The following HUNK variants were observed in gnomAD, a reference collection of about 807,000 sequenced individuals.
The protein encoded by HUNK is hormonally up-regulated Neu-associated kinase, also known as hormonally up-regulated neu tumor-associated kinase.
A neutral mutation model predicts 61.0 loss-of-function variants in HUNK; 21 were observed. The observed-to-expected ratio is 0.34, with a 90% CI of 0.24 to 0.50. The LOEUF (loss-of-function observed/expected upper bound fraction) is 0.50. Ranked by LOEUF, HUNK falls within the 20% of genes least tolerant of loss-of-function variation. The pLI, the probability that HUNK is intolerant of heterozygous loss-of-function variation, is 0.98. For missense variants in HUNK, 772 were observed against 945.7 expected (o/e 0.82, Z 2.41); for synonymous variants, 371 against 386.1 (o/e 0.96, Z 0.46).
At chr21:31,951,003 A>C (rs1205645581) in intron 4 of HUNK, among the ~76,000 whole-genome samples, 1 of 152,066 alleles carries the variant, frequency 6.6e-6, no homozygotes, top group Non-Finnish European at 1.5e-5. Context: ...CTTCCCTACA[A>C]ATAGGGCCCC....
intron 7 of HUNK, among the ~76,000 whole-genome samples, chr21:31,981,964 A>AG (rs1375411611): frequency 3.3e-4 from 50 of 152,014 alleles, no homozygotes; most frequent in Non-Finnish European, 8.8e-5. Context: ...GGTTTGTTAC[A>AG]TAAGTAAACA....
At chr21:31,929,052 G>A (rs1568927629) in intron 2 of HUNK, among the ~76,000 whole-genome samples, 1 of 152,054 alleles carries the variant, frequency 6.6e-6, no homozygotes, top group African/African-American at 2.4e-5. Context: ...GTGTGTGTGT[G>A]TGTTTGTGTG....
At chr21:31,881,131 A>G (rs548410723) in intron 1 of HUNK, among the ~76,000 whole-genome samples, 1 of 152,324 alleles carries the variant, frequency 6.6e-6, no homozygotes, top group East Asian at 1.9e-4. Context: ...TCAGTTCTTC[A>G]GCACTGACGG....
At chr21:31,887,851 CGGGTAGGCA>C (rs1228859265) in intron 1 of HUNK, among the ~76,000 whole-genome samples, 1 of 152,096 alleles carries the variant, frequency 6.6e-6, no homozygotes, top group East Asian at 1.9e-4. Context: ...GAGCAGAACA[CGGGTAGGCA>C]GGTTATGATT....
chr21:31,938,759 GTGTC>G (rs1468160240), intron 2 of HUNK, among the ~76,000 whole-genome samples: 3 of 152,200 alleles, frequency 2.0e-5, no homozygotes, highest in South Asian at 2.1e-4. Flanking sequence ...GTGTTTGTGT[GTGTC>G]TGTGTGTGTG....
chr21:31,934,645 C>T (rs1278236081), intron 2 of HUNK, among the ~76,000 whole-genome samples: 2 of 152,064 alleles, frequency 1.3e-5, no homozygotes, highest in Admixed American at 1.3e-4. Context: ...GTTTTTCAAC[C>T]CTCGTCCTCC....
chr21:31,903,381 C>T (rs1392415873), intron 1 of HUNK, among the ~76,000 whole-genome samples: 2 of 151,760 alleles, frequency 1.3e-5, no homozygotes, highest in East Asian at 1.9e-4. Context: ...CATGGTGCTG[C>T]GTGTGTATAT....
chr21:31,997,225 G>T lies in HUNK; in HGVS notation c.1486+1277G>T, dbSNP rs1286747836. ...CTTTATTTCCCTCATCCCCAAATCTGTAGGGGGTTTCCCCTTTCTTTTCTG... is the reference window on the plus strand; with the variant it reads ...CTTTATTTCCCTCATCCCCAAATCTTTAGGGGGTTTCCCCTTTCTTTTCTG... On this transcript the variant is annotated intron_variant, in intron 10 of 10. Transcript: ENST00000270112. 2.0e-5 allele frequency among the ~76,000 whole-genome samples: 3 copies of T among 152,364 alleles called. No homozygotes were observed. The East Asian group carries it at 5.8e-4, about 29-fold the overall frequency.
chr21:31,903,168 C>T (rs2052480906), intron 1 of HUNK, among the ~76,000 whole-genome samples: 2 of 151,572 alleles, frequency 1.3e-5, no homozygotes, highest in Non-Finnish European at 2.9e-5. Context: ...GAGCATGGGG[C>T]CCAGTGGGAT....
At position 31,904,590 on chromosome 21, in the gene HUNK, T is replaced by C. The variant is rs572905201; in HGVS notation, c.262-19878T>C. 3.3e-5 allele frequency among the ~76,000 whole-genome samples: 5 copies of C among 152,368 alleles called. No individual in the cohort carries two copies. In the South Asian group the frequency reaches 1.0e-3, roughly 32 times the overall value. On this transcript the variant is annotated intron_variant, in intron 1 of 10. Transcript: ENST00000270112. ...TTTGCTTGGAGATGTCTTGGGATTG[T>C]TGGCGTTTCCTTGAGTCATGTTGCT...
intron 2 of HUNK, among the ~76,000 whole-genome samples, chr21:31,928,291 C>T (rs949913583): frequency 1.4e-4 from 22 of 152,124 alleles, no homozygotes; most frequent in African/African-American, 4.1e-4. Flanking sequence ...CTCAGGATCG[C>T]GAGAACAACA....
chr21:31,965,536 A>G (rs1008455981), intron 5 of HUNK, among the ~76,000 whole-genome samples: 1 of 151,842 alleles, frequency 6.6e-6, no homozygotes, highest in Non-Finnish European at 1.5e-5. Flanking sequence ...TACAGTGGTA[A>G]ATGTACCTCA....
At chr21:31,921,849 AT>A (rs549756450) in intron 1 of HUNK, among the ~76,000 whole-genome samples, 2 of 151,854 alleles carry the variant, frequency 1.3e-5, no homozygotes, top group Non-Finnish European at 2.9e-5. Context: ...CTTCAGCTTT[AT>A]TGAGGTTTAA....
At position 31,940,178 on chromosome 21, in the gene HUNK, G is replaced by A; in HGVS notation, c.568G>A (p.Glu190Lys). 1 of 1,593,342 alleles carries A rather than the reference G, an allele frequency of 6.3e-7. No individual in the cohort carries two copies. The highest frequency in any genetic ancestry group is 8.5e-7 in the Non-Finnish European group (1 of 1,170,164). Residue 190 changes from glutamate (E) to lysine (K), a missense_variant, in exon 3 of 11, where the codon GAG (glutamate) becomes AAG (lysine). By Grantham distance (56) the Glu-to-Lys change is moderately conservative. Transcript: ENST00000270112. ...AGVVHRDLKIENLLLDEDNNI... is the reference protein window; with the variant it reads ...AGVVHRDLKIKNLLLDEDNNI... ...TGTTTATTTCAGAGACTTGAAGATA[G>A]AGAATTTGCTACTAGATGAAGACAA...
chr21:31,946,649 C>G (rs2052805569), intron 4 of HUNK, among the ~76,000 whole-genome samples: 1 of 152,038 alleles, frequency 6.6e-6, no homozygotes, highest in Admixed American at 6.5e-5. Flanking sequence ...GAGTCTTTCT[C>G]TGTCGCCCAG....
intron 7 of HUNK, among the ~76,000 whole-genome samples, chr21:31,977,852 G>A (rs1487575414): frequency 2.0e-5 from 3 of 152,162 alleles, no homozygotes; most frequent in Admixed American, 2.0e-4. Flanking sequence ...GCTTGAGCCT[G>A]GGAAGTCGAG....
At position 32,001,690 on chromosome 21, in the gene HUNK, A is replaced by T. The variant is rs144555756; in HGVS notation, c.*2506A>T. On this transcript the variant is annotated 3_prime_UTR_variant, in exon 11 of 11. Transcript: ENST00000270112. ...GTGTGTGTGAGCACCTGACAAATCT[A>T]TGAAACCGAGTGAAAGGAGAAATGT... is the stretch of plus-strand genomic sequence containing the variant. 6 of 152,320 alleles carry T rather than the reference A, an allele frequency of 3.9e-5. No individual in the cohort carries two copies. Among genetic ancestry groups the T allele is most frequent in the African/African-American group, 1.5e-4 (6 of 41,318 alleles). The allele number at this position is 152,320 out of a possible 1,614,324, so 9.4% of individuals were successfully genotyped here. A position where few individuals can be genotyped will look rare whatever the true frequency, so the allele number is the denominator to read the frequency against.
At chr21:31,883,527 C>T (rs2052324763) in intron 1 of HUNK, among the ~76,000 whole-genome samples, 1 of 152,030 alleles carries the variant, frequency 6.6e-6, no homozygotes, top group African/African-American at 2.4e-5. Flanking sequence ...AATTAGTCGT[C>T]TTTGAGTGAT....
chr21:31,934,935 G>A (rs113317419), intron 2 of HUNK, among the ~76,000 whole-genome samples: 5 of 152,116 alleles, frequency 3.3e-5, no homozygotes, highest in African/African-American at 1.2e-4. Context: ...TTGGTTACGT[G>A]TCTTTGCGGT....
Sources: allele counts gnomAD v4.1 joint callset (sites outside exome capture counted in the v4.1 genomes callset), GRCh38; gene constraint gnomAD v4.1.1; transcripts MANE v1.5; gene names NCBI Gene and HGNC (gene_info 2026-07-23, HGNC 2026-07-21).